TMCC1: variants seen among roughly 807,000 people sequenced by gnomAD.
The protein encoded by TMCC1 is transmembrane and coiled-coil domains protein 1.
TMCC1 carries 15 observed loss-of-function variants against 52.4 expected under a neutral mutation model. The ratio of observed to expected loss-of-function variants is 0.29; its 90% CI spans 0.19 to 0.44. TMCC1 has a LOEUF of 0.44. TMCC1 is among the 20% of genes least tolerant of loss of function. TMCC1 has a pLI of 1.00. For missense variants in TMCC1, 503 were observed against 806.0 expected, an observed-to-expected ratio of 0.62 and a Z score of 4.55; for synonymous variants, 279 against 301.9, an observed-to-expected ratio of 0.92 and a Z score of 0.79.
intron 5 of TMCC1, among the ~76,000 whole-genome samples, chr3:129,660,577 C>T (rs1355840621): frequency 1.3e-5 from 2 of 152,196 alleles, no homozygotes; most frequent in African/African-American, 2.4e-5. Flanking sequence ...GGCACACACT[C>T]CATCCTCCTC....
intron 4 of TMCC1, among the ~76,000 whole-genome samples, chr3:129,716,003 G>A (rs1231645264): frequency 6.6e-6 from 1 of 151,820 alleles, no homozygotes; most frequent in Admixed American, 6.6e-5. Context: ...ATTATAACCT[G>A]CTACCTCCCC....
intron 4 of TMCC1, among the ~76,000 whole-genome samples, chr3:129,771,130 C>A (rs1470074383): frequency 1.3e-5 from 2 of 152,058 alleles, no homozygotes; most frequent in Non-Finnish European, 1.5e-5. Context: ...ATCAATGTGA[C>A]CCTAGTGAGA....
At chr3:129,787,612 C>T (rs1341933444) in intron 4 of TMCC1, among the ~76,000 whole-genome samples, 2 of 152,132 alleles carry the variant, frequency 1.3e-5, no homozygotes, top group Non-Finnish European at 2.9e-5. Context: ...GAATATTTCA[C>T]ATTATTATTA....
intron 4 of TMCC1, among the ~76,000 whole-genome samples, chr3:129,686,512 G>T (rs1263344836): frequency 6.6e-6 from 1 of 152,098 alleles, no homozygotes; most frequent in African/African-American, 2.4e-5. Flanking sequence ...TAGTGCATTT[G>T]CAATATTGCC....
chr3:129,738,308 AAGAG>A (rs1357814775), intron 4 of TMCC1, among the ~76,000 whole-genome samples: 1 of 151,836 alleles, frequency 6.6e-6, no homozygotes, highest in Non-Finnish European at 1.5e-5. Context: ...AGAAAAAAGA[AAGAG>A]AGCTTTCAAT....
chr3:129,751,390 C>A (rs140457305), intron 4 of TMCC1, among the ~76,000 whole-genome samples: 3 of 151,798 alleles, frequency 2.0e-5, no homozygotes, highest in African/African-American at 7.2e-5. Flanking sequence ...ATTAGCTGGG[C>A]ATGGTGGCAA....
intron 2 of TMCC1, among the ~76,000 whole-genome samples, chr3:129,862,844 G>A (rs2060455490): frequency 6.6e-6 from 1 of 152,180 alleles, no homozygotes; most frequent in Non-Finnish European, 1.5e-5. Flanking sequence ...GTAAACAACA[G>A]TGTCACTTTA....
chr3:129,875,315 C>G (rs1263244760), intron 2 of TMCC1, among the ~76,000 whole-genome samples: 1 of 151,586 alleles, frequency 6.6e-6, no homozygotes, highest in Non-Finnish European at 1.5e-5. Context: ...TGGCGAAACC[C>G]TGTCTCTACT....
intron 4 of TMCC1, among the ~76,000 whole-genome samples, chr3:129,716,206 AGGTTGGAGTGCAATGGC>A (rs142419345): frequency 0.64 from 91,169 of 143,308 alleles, 33,599 homozygotes; most frequent in Non-Finnish European, 0.83. Context: ...TTTGTTGCCC[AGGTTGGAGTGCAATGGC>A]ACAATCTCGG....
At chr3:129,740,020 A>AT (rs2051322750) in intron 4 of TMCC1, among the ~76,000 whole-genome samples, 1 of 152,246 alleles carries the variant, frequency 6.6e-6, no homozygotes, top group East Asian at 1.9e-4. Context: ...CTCTCAAATA[A>AT]TGTTTCTCAA....
intron 4 of TMCC1, among the ~76,000 whole-genome samples, chr3:129,706,430 T>G (rs1036005428): frequency 6.6e-6 from 1 of 152,126 alleles, no homozygotes; most frequent in African/African-American, 2.4e-5. Context: ...GGTCTGGAAC[T>G]CTTGACCTCA....
At chr3:129,783,707 G>A (rs1338554961) in intron 4 of TMCC1, among the ~76,000 whole-genome samples, 1 of 152,202 alleles carries the variant, frequency 6.6e-6, no homozygotes, top group Non-Finnish European at 1.5e-5. Context: ...CTTCTATGAG[G>A]TAGGAGGGTA....
At chr3:129,827,596 T>C (rs1188333658) in intron 4 of TMCC1, among the ~76,000 whole-genome samples, 2 of 152,124 alleles carry the variant, frequency 1.3e-5, no homozygotes, top group Non-Finnish European at 2.9e-5. Context: ...AATATAGCAC[T>C]ATGTTAGGAA....
chr3:129,674,437 A>G (rs908145802), intron 4 of TMCC1, among the ~76,000 whole-genome samples: 2 of 152,148 alleles, frequency 1.3e-5, no homozygotes, highest in African/African-American at 4.8e-5. Context: ...TCACTGGACT[A>G]CTGGAACTCC....
intron 4 of TMCC1, among the ~76,000 whole-genome samples, chr3:129,702,385 T>A (rs976242637): frequency 1.3e-5 from 2 of 152,144 alleles, no homozygotes; most frequent in African/African-American, 2.4e-5. Flanking sequence ...AGGCCATACC[T>A]TCAATCTTAA....
rs147524153 is a variant in TMCC1 at position 129,733,948 on chromosome 3, A to G, written c.577-62684T>C. Among the ~76,000 whole-genome samples, 4 of 152,342 alleles carry G rather than the reference A, an allele frequency of 2.6e-5. No individual in the cohort carries two copies. In the East Asian group the frequency reaches 5.8e-4, roughly 22 times the overall value. On this transcript the variant is annotated intron_variant, in intron 4 of 6. Coordinates refer to ENST00000393238, the MANE Select transcript of TMCC1 (RefSeq NM_001017395.5). ...TGCAGGTCAATGGGAACTTTCACAC[A>G]CTACTGATAGGAATAAGTTAGCATA...
chr3:129,764,473 C>T (rs1009305175), intron 4 of TMCC1, among the ~76,000 whole-genome samples: 1 of 152,046 alleles, frequency 6.6e-6, no homozygotes, highest in Non-Finnish European at 1.5e-5. Flanking sequence ...GTTAGGATAA[C>T]AAGAACTTCT....
intron 4 of TMCC1, among the ~76,000 whole-genome samples, chr3:129,759,442 G>T (rs1225053913): frequency 1.3e-5 from 2 of 151,308 alleles, no homozygotes; most frequent in Non-Finnish European, 2.9e-5. Flanking sequence ...TAATTTTTGT[G>T]TTTTTAGTAG....
intron 6 of TMCC1, among the ~76,000 whole-genome samples, chr3:129,652,160 G>T (rs2086371493): frequency 6.6e-6 from 1 of 152,208 alleles, no homozygotes; most frequent in Admixed American, 6.5e-5. Flanking sequence ...AAATAGGATA[G>T]TCTCTCTTGA....
Sources: gnomAD v4.1 joint callset for allele counts (sites outside exome capture counted in the v4.1 genomes callset) on GRCh38, gnomAD v4.1.1 for gene constraint, MANE v1.5 for transcripts, NCBI Gene and HGNC (gene_info 2026-07-23, HGNC 2026-07-21) for gene names.